Variants in CBL observed in about 807,000 individuals in gnomAD.
CBL encodes Cbl proto-oncogene, also known as E3 ubiquitin-protein ligase CBL.
A neutral mutation model predicts 96.9 loss-of-function variants in CBL; 45 were observed. The observed-to-expected ratio is 0.46, with a 90% confidence interval of 0.37 to 0.60. The LOEUF (loss-of-function observed/expected upper bound fraction) is 0.60, where lower values mean the gene tolerates loss of function less well. CBL is among the 20% of genes least tolerant of loss of function. The probability of loss-of-function intolerance (pLI) is 0.00; values close to 1 mark genes in which losing one functional copy is unlikely to be tolerated. For synonymous variants in CBL, 420 were observed against 426.8 expected (o/e 0.98, Z 0.20); for missense variants, 1,024 against 1,143.5 (o/e 0.90, Z 1.51).
chr11:119,263,827 G>A lies in CBL; in HGVS notation c.444-7908G>A, dbSNP rs115783430. Among the ~76,000 whole-genome samples, 1,255 of 152,266 alleles carry A rather than the reference G, an allele frequency of 8.2e-3. 21 individuals carry two copies. Among genetic ancestry groups the A allele is most frequent in the African/African-American group, 0.028 (1,183 of 41,542 alleles). ...TGAGTTATAAATGTCATCTCAGTAT[G>A]TTCTCACTCAGCATTCTTTAGATGA... On this transcript the variant is annotated intron_variant, in intron 2 of 15. Coordinates refer to ENST00000264033, the MANE Select transcript of CBL (RefSeq NM_005188.4).
chr11:119,295,132 T>G (rs1020344910), intron 12 of CBL, among the ~76,000 whole-genome samples: 8 of 152,218 alleles, frequency 5.3e-5, no homozygotes, highest in Non-Finnish European at 1.0e-4. Flanking sequence ...TCTAAGGCAC[T>G]TGGGGACACA....
At chr11:119,238,762 C>T (rs1592380262) in intron 2 of CBL, among the ~76,000 whole-genome samples, 2 of 151,920 alleles carry the variant, frequency 1.3e-5, no homozygotes, top group Non-Finnish European at 2.9e-5. Flanking sequence ...ACCCAGGAGG[C>T]GGAGGATGCA....
rs1049124632 is a variant in CBL, at chr11:119,304,405, G to A, written c.*4624G>A. 1.3e-5 allele frequency: 3 copies of A among 233,090 alleles called. No individual in the cohort carries two copies. The highest frequency in any genetic ancestry group is 2.5e-5 in the Non-Finnish European group (3 of 118,046). 14.4% of individuals were successfully genotyped at this position (233,090 alleles called of 1,614,324 possible). On this transcript the variant is annotated 3_prime_UTR_variant, in exon 16 of 16. Transcript: ENST00000264033. ...GTTCAAGCGGAATAAAGGAGGGAGT[G>A]GAGTTGTGGTAAGGATGCAGGGTAT...
Position 119,303,838 on chromosome 11 carries a change from CT to C in CBL, c.*4062del. The C allele has an allele frequency of 4.3e-6, 1 of 233,754 alleles. No homozygotes were observed. Among genetic ancestry groups the C allele is most frequent in the Non-Finnish European group, 8.5e-6 (1 of 118,092 alleles). 14.5% of individuals were successfully genotyped at this position (233,754 alleles called of 1,614,324 possible). On this transcript the variant is annotated 3_prime_UTR_variant, in exon 16 of 16. Coordinates refer to ENST00000264033, the MANE Select transcript of CBL (RefSeq NM_005188.4). ...TTTCCAATCTAGTGCCTTCCTTGAA[CT>C]TTTTCCTGAGCTGCTACGTCCCTAA... is the stretch of plus-strand genomic sequence containing the variant.
chr11:119,282,673 T>C (rs1173479290), intron 9 of CBL, among the ~76,000 whole-genome samples: 2 of 152,000 alleles, frequency 1.3e-5, no homozygotes, highest in Non-Finnish European at 2.9e-5. Flanking sequence ...ACAGGGCAAA[T>C]TGGGAGTTAC....
At chr11:119,225,986 C>A (rs901524267) in intron 1 of CBL, among the ~76,000 whole-genome samples, 6 of 152,140 alleles carry the variant, frequency 3.9e-5, no homozygotes, top group Non-Finnish European at 5.9e-5. Context: ...GCCTTGGCCT[C>A]CCAAAGTGCT....
At chr11:119,225,203 TCTC>T (rs1949448601) in intron 1 of CBL, among the ~76,000 whole-genome samples, 1 of 152,002 alleles carries the variant, frequency 6.6e-6, no homozygotes, top group South Asian at 2.1e-4. Flanking sequence ...TTCATGCAAT[TCTC>T]CTGTCTCAGC....
chr11:119,278,632 T>C lies in CBL; in HGVS notation c.1350T>C (p.Ala450=). Residue 450 remains alanine, a synonymous_variant, in exon 9 of 16, where the codon GCT becomes GCC. Transcript: ENST00000264033. ...GSLLRQGAEG[A]PSPNYDDDDD... ...TGTTGAGGCAAGGAGCAGAGGGAGC[T>C]CCCTCCCCAAATTATGATGATGATG... The C allele has an allele frequency of 5.6e-6, 9 of 1,613,844 alleles. No individual in the cohort carries two copies. Among genetic ancestry groups the C allele is most frequent in the Non-Finnish European group, 7.6e-6 (9 of 1,179,908 alleles).
At chr11:119,226,643 A>C (rs1949461717) in intron 1 of CBL, among the ~76,000 whole-genome samples, 1 of 151,968 alleles carries the variant, frequency 6.6e-6, no homozygotes, top group South Asian at 2.1e-4. Flanking sequence ...TTTTTCATAG[A>C]GACGGAATTT....
chr11:119,211,875 T>G (rs1949321738), intron 1 of CBL, among the ~76,000 whole-genome samples: 1 of 152,172 alleles, frequency 6.6e-6, no homozygotes, highest in Admixed American at 6.6e-5. Context: ...TGCCCACTCC[T>G]GAAGTAGAGC....
At chr11:119,284,826 G>C in intron 9 of CBL, 143 bp from the exon 10 acceptor site, 1 of 936,618 alleles carries the variant, frequency 1.1e-6, no homozygotes, top group Non-Finnish European at 1.7e-6. Context: ...TTTTTTAAGA[G>C]GGTGTGTGCG....
rs756913123 is a variant in CBL, at chr11:119,206,526, C to A, written c.109C>A (p.His37Asn). 1.3e-6 allele frequency: 2 copies of A among 1,552,044 alleles called. No homozygotes were observed. Among genetic ancestry groups the A allele is most frequent in the South Asian group, 2.4e-5 (2 of 84,356 alleles). ...CATGAAGGACGCCTTCCAGCCGCAC[C>A]ACCACCACCACCACCACCTCAGCCC... is the stretch of plus-strand genomic sequence containing the variant. Reference protein sequence around the residue: ...GLMKDAFQPHHHHHHHLSPHP... With the variant: ...GLMKDAFQPHNHHHHHLSPHP... The change falls in exon 1 of 16, where the codon CAC (histidine) becomes AAC (asparagine). Residue 37 changes from histidine (H) to asparagine (N), a missense_variant. His to Asn is a moderately conservative substitution (Grantham distance 68, BLOSUM62 1). Around this residue, in one of 4 missense-constraint regions of CBL, gnomAD observed 114 missense variants for 117.4 expected, o/e 0.97. Transcript: ENST00000264033.
At chr11:119,235,303 C>T (rs1188761925) in intron 2 of CBL, among the ~76,000 whole-genome samples, 9 of 152,024 alleles carry the variant, frequency 5.9e-5, no homozygotes, top group African/African-American at 2.2e-4. Flanking sequence ...TTAGTAGTGA[C>T]AGGGTTTCAC....
chr11:119,300,113 A>C lies in CBL; in HGVS notation c.*332A>C, dbSNP rs1950091559. On this transcript the variant is annotated 3_prime_UTR_variant, in exon 16 of 16. Coordinates refer to ENST00000264033, the MANE Select transcript of CBL (RefSeq NM_005188.4). ...ATTTTGCTGGAAATCCTAATTGAGG[A>C]CTTAAGACTTCCTGGGTTAAGGATG... The C allele has an allele frequency of 1.8e-6, 1 of 548,486 alleles. No individual in the cohort carries two copies. The highest frequency in any genetic ancestry group is 3.2e-6 in the Non-Finnish European group (1 of 307,954). The allele number at this position is 548,486 out of a possible 1,614,324, so 34.0% of individuals were successfully genotyped here.
At chr11:119,270,327 C>G (rs1351193141) in intron 2 of CBL, among the ~76,000 whole-genome samples, 1 of 145,016 alleles carries the variant, frequency 6.9e-6, no homozygotes, top group Non-Finnish European at 1.5e-5. Context: ...TCACTGCAAC[C>G]TCTGCCTCCT....
At position 119,275,992 on chromosome 11, in the gene CBL, C is replaced by G; in HGVS notation, c.870-5C>G. The G allele has an allele frequency of 6.2e-7, 1 of 1,614,026 alleles. No homozygotes were observed. Among genetic ancestry groups the G allele is most frequent in the South Asian group, 1.1e-5 (1 of 91,062 alleles). On this transcript the variant is annotated splice_polypyrimidine_tract_variant and splice_region_variant and intron_variant, in intron 5 of 15. Coordinates refer to ENST00000264033, the MANE Select transcript of CBL (RefSeq NM_005188.4). ...ACTAAAGCTTCTGTTTATGTCTGTT[C>G]ATAGTTATATCTTCCGGCTGAGCTG...
At chr11:119,211,431 C>T (rs1010336091) in intron 1 of CBL, among the ~76,000 whole-genome samples, 33 of 152,030 alleles carry the variant, frequency 2.2e-4, no homozygotes, top group Non-Finnish European at 3.5e-4. Flanking sequence ...ACCTCAGATA[C>T]GGGGAGATAC....
chr11:119,239,698 A>G (rs571666309), intron 2 of CBL, among the ~76,000 whole-genome samples: 3 of 152,124 alleles, frequency 2.0e-5, no homozygotes, highest in East Asian at 1.9e-4. Context: ...ACCATTGAGT[A>G]TATTAGCTGT....
chr11:119,225,636 C>G (rs1044228639), intron 1 of CBL, among the ~76,000 whole-genome samples: 3 of 151,698 alleles, frequency 2.0e-5, no homozygotes, highest in African/African-American at 4.9e-5. Context: ...TAGGCTCAAG[C>G]GATCTGCCCA....
Sources: gnomAD v4.1 joint callset for allele counts (sites outside exome capture counted in the v4.1 genomes callset) on GRCh38, gnomAD v4.1.1 for gene constraint, gnomAD v4.1.1 regional missense constraint, MANE v1.5 for transcripts, NCBI Gene and HGNC (gene_info 2026-07-23, HGNC 2026-07-21) for gene names.